Variants in HHLA1 observed in about 807,000 individuals in gnomAD.
The protein encoded by HHLA1 is HHLA1 neighbor of OC90, also known as HERV-H LTR-associating protein 1.
Under a neutral mutation model 69.9 loss-of-function variants are expected in HHLA1, and 72 were observed. The ratio of observed to expected loss-of-function variants is 1.03; its 90% CI spans 0.85 to 1.25. HHLA1 has a LOEUF of 1.25. HHLA1 is among the 50% of genes most tolerant of loss of function. The pLI is 0.00. For missense variants in HHLA1, 685 were observed against 642.2 expected (o/e 1.07, Z -0.72); for synonymous variants, 252 against 233.2 (o/e 1.08, Z -0.73).
At chr8:132,110,978 T>G (rs1220770588) in intron 1 of HHLA1, 124 bp downstream of exon 1, 1 of 152,216 alleles carries the variant, frequency 6.6e-6, no homozygotes, top group Non-Finnish European at 1.5e-5. Flanking sequence ...ACTGCTCTCA[T>G]ATCTTTCAGT....
chr8:132,075,349 T>C (rs1823617100), intron 14 of HHLA1, among the ~76,000 whole-genome samples: 1 of 152,172 alleles, frequency 6.6e-6, no homozygotes. Flanking sequence ...GCACTCACTT[T>C]GTATCCATTT....
intron 10 of HHLA1, among the ~76,000 whole-genome samples, chr8:132,085,930 T>G (rs1315759698): frequency 6.6e-6 from 1 of 152,094 alleles, no homozygotes; most frequent in Non-Finnish European, 1.5e-5. Flanking sequence ...CTTCAGTTAC[T>G]TCAGGCCATC....
At chr8:132,079,989 A>C (rs1823717924) in intron 10 of HHLA1, 23 bp from the exon 11 acceptor site, 1 of 1,552,192 alleles carries the variant, frequency 6.4e-7, no homozygotes. Flanking sequence ...AGTCAATGGT[A>C]ACATTAACAT....
Position 132,076,543 on chromosome 8 carries a change from C to T in HHLA1, c.1172G>A (p.Gly391Glu). Residue 391 changes from glycine (G) to glutamate (E), a missense_variant and splice_region_variant, in exon 13 of 17, where the codon GGA becomes GAA. Physicochemically the swap from Gly to Glu is moderately conservative, Grantham distance 98 (BLOSUM62 -2). Coordinates refer to ENST00000414222, the MANE Select transcript of HHLA1 (RefSeq NM_001145095.3). ...GSPSQASPTL[G>E]AFTHGTQTPS... Reference sequence around the variant, plus strand: ...AGTCTGTGTGCCATGGGTGAATGCTCCTGGGAGGAGATGAGAGAGAGGTGA... The same window carrying T: ...AGTCTGTGTGCCATGGGTGAATGCTTCTGGGAGGAGATGAGAGAGAGGTGA... 1 of 1,521,686 alleles carries T rather than the reference C, an allele frequency of 6.6e-7. No individual in the cohort carries two copies. The highest frequency in any genetic ancestry group is 8.8e-7 in the Non-Finnish European group (1 of 1,134,794). 94.3% of individuals were successfully genotyped at this position (1,521,686 alleles called of 1,614,324 possible).
chr8:132,065,335 G>A (rs1026080568), intron 16 of HHLA1, among the ~76,000 whole-genome samples: 2 of 152,196 alleles, frequency 1.3e-5, no homozygotes, highest in African/African-American at 4.8e-5. Context: ...AGGCTGGAGT[G>A]CAGTGGTGCA....
rs1306620711 is a variant in HHLA1 at position 132,071,434 on chromosome 8, T to C, written c.1375A>G (p.Ile459Val). ...AMAAAPLTLA[I>V]QRLNPCLMEL... ...ATCAGGCATGGGTTGAGCCTCTGAATAGCCAGGGTGAGAGGAGCAGCTGCC... is the reference window on the plus strand; with the variant it reads ...ATCAGGCATGGGTTGAGCCTCTGAACAGCCAGGGTGAGAGGAGCAGCTGCC... Residue 459 changes from isoleucine to valine, a missense_variant, in exon 15 of 17, where the codon ATT becomes GTT. By Grantham distance (29) the Ile-to-Val change is conservative (BLOSUM62 3). Transcript: ENST00000414222. The C allele has an allele frequency of 1.3e-6, 2 of 1,551,522 alleles. No homozygotes were observed. The highest frequency in any genetic ancestry group is 2.7e-5 in the African/African-American group (2 of 73,034).
At chr8:132,081,956 C>T (rs889902212) in intron 10 of HHLA1, among the ~76,000 whole-genome samples, 8 of 151,988 alleles carry the variant, frequency 5.3e-5, no homozygotes, top group Admixed American at 1.3e-4. Flanking sequence ...TGGTGTGTGG[C>T]GATTAGGCCT....
intron 15 of HHLA1, among the ~76,000 whole-genome samples, chr8:132,069,053 C>T (rs1342624021): frequency 6.6e-6 from 1 of 152,076 alleles, no homozygotes; most frequent in Non-Finnish European, 1.5e-5. Flanking sequence ...TCAAAGAGGG[C>T]ATATAATAAG....
chr8:132,082,501 A>G (rs1021820556), intron 10 of HHLA1, among the ~76,000 whole-genome samples: 4 of 152,096 alleles, frequency 2.6e-5, no homozygotes, highest in Admixed American at 6.6e-5. Flanking sequence ...CATGATTGGC[A>G]GGGAGAGCAC....
At chr8:132,082,515 T>C (rs1439941479) in intron 10 of HHLA1, among the ~76,000 whole-genome samples, 1 of 152,138 alleles carries the variant, frequency 6.6e-6, no homozygotes. Flanking sequence ...AGAGCACGTG[T>C]GTTTTTATGA....
intron 13 of HHLA1, 48 bp downstream of exon 13, chr8:132,076,427 C>T (rs1823641332): frequency 2.8e-6 from 2 of 715,768 alleles, no homozygotes. Flanking sequence ...CTTCCCACCC[C>T]TCCCATCCCC....
intron 1 of HHLA1, among the ~76,000 whole-genome samples, chr8:132,107,267 T>C (rs906573988): frequency 1.1e-4 from 17 of 152,180 alleles, no homozygotes; most frequent in African/African-American, 4.1e-4. Flanking sequence ...CCCTCTTCCA[T>C]TTACTAAGAG....
At chr8:132,094,012 A>T (rs1823983425) in intron 7 of HHLA1, among the ~76,000 whole-genome samples, 1 of 152,188 alleles carries the variant, frequency 6.6e-6, no homozygotes, top group African/African-American at 2.4e-5. Flanking sequence ...CAGTGGGGGA[A>T]ATAATCTGAA....
intron 10 of HHLA1, among the ~76,000 whole-genome samples, chr8:132,082,180 GAGCC>G: frequency 6.6e-6 from 1 of 152,228 alleles, no homozygotes; most frequent in Non-Finnish European, 1.5e-5. Flanking sequence ...ATAGCTGAAG[GAGCC>G]AGGAAGCAGA....
chr8:132,071,420 G>A lies in HHLA1; in HGVS notation c.1389C>T (p.Asn463=). The change falls in exon 15 of 17, where the codon AAC becomes AAT. Residue 463 remains asparagine (N), a synonymous_variant. Coordinates refer to ENST00000414222, the MANE Select transcript of HHLA1 (RefSeq NM_001145095.3). ...ATTGGCACAGCTCCATCAGGCATGG[G>A]TTGAGCCTCTGAATAGCCAGGGTGA... ...APLTLAIQRL[N]PCLMELCQFF... 1.9e-6 allele frequency: 3 copies of A among 1,551,664 alleles called. No homozygotes were observed. Among genetic ancestry groups the A allele is most frequent in the Non-Finnish European group, 2.6e-6 (3 of 1,146,942 alleles).
In HHLA1 at chr8:132,078,073, C is replaced by T. The variant is rs1283765617; in HGVS notation, c.926-102G>A. 7 of 1,275,298 alleles carry T rather than the reference C, an allele frequency of 5.5e-6. No individual in the cohort carries two copies. In the African/African-American group the frequency reaches 1.0e-4, roughly 19 times the overall value. The allele number at this position is 1,275,298 out of a possible 1,614,324, so 79.0% of individuals were successfully genotyped here. On this transcript the variant is annotated intron_variant, in intron 11 of 16. Coordinates refer to ENST00000414222, the MANE Select transcript of HHLA1 (RefSeq NM_001145095.3). ...TTGAAACGTTATCAAAGGGCAAATGCAATGTGAACGTGTAATATAAGTAAT... is the reference window on the plus strand; with the variant it reads ...TTGAAACGTTATCAAAGGGCAAATGTAATGTGAACGTGTAATATAAGTAAT...
intron 3 of HHLA1, among the ~76,000 whole-genome samples, chr8:132,100,880 T>C (rs1259558635): frequency 6.6e-6 from 1 of 152,210 alleles, no homozygotes; most frequent in African/African-American, 2.4e-5. Flanking sequence ...TTATTTTGGA[T>C]CACATGCTAT....
At chr8:132,079,631 G>T in intron 11 of HHLA1, 87 bp downstream of exon 11, 1 of 1,371,938 alleles carries the variant, frequency 7.3e-7, no homozygotes, top group Non-Finnish European at 9.8e-7. Context: ...AAGGGATTAA[G>T]GTAAGGATTT....
intron 3 of HHLA1, among the ~76,000 whole-genome samples, chr8:132,102,373 C>T (rs374667483): frequency 1.3e-5 from 2 of 152,300 alleles, no homozygotes; most frequent in African/African-American, 4.8e-5. Flanking sequence ...AATATCAAAG[C>T]TTCTGGGGTT....
Sources: gnomAD v4.1 joint callset for allele counts (sites outside exome capture counted in the v4.1 genomes callset) on GRCh38, gnomAD v4.1.1 for gene constraint, MANE v1.5 for transcripts, NCBI Gene and HGNC (gene_info 2026-07-23, HGNC 2026-07-21) for gene names.